CNGA3: variants seen among roughly 807,000 people sequenced by gnomAD.
CNGA3 encodes cyclic nucleotide-gated channel alpha-3.
A neutral mutation model predicts 46.6 loss-of-function variants in CNGA3; 42 were observed. That is an observed-to-expected ratio of 0.90 (90% CI 0.70 to 1.17). The LOEUF (loss-of-function observed/expected upper bound fraction) is 1.17, where lower values mean the gene tolerates loss of function less well. Ranked by LOEUF, CNGA3 falls within the 50% of genes most tolerant of loss-of-function variation. The probability of loss-of-function intolerance (pLI) is 0.00; values close to 1 mark genes in which losing one functional copy is unlikely to be tolerated. For synonymous variants in CNGA3, 394 were observed against 369.4 expected (o/e 1.07, Z -0.76); for missense variants, 893 against 890.7 (o/e 1.00, Z -0.03).
In CNGA3 at chr2:98,367,490, G is replaced by A. The variant is rs544726438; in HGVS notation, c.-37-2449G>A. 8.5e-5 allele frequency among the ~76,000 whole-genome samples: 13 copies of A among 152,116 alleles called. No homozygotes were observed. In the East Asian group the frequency reaches 2.1e-3, roughly 25 times the overall value. ...ATTACGGGCGTGAGCTACCCCGCCC[G>A]GCTGACCTCAGCTGTTTCTAGTCAG... On this transcript the variant is annotated intron_variant, in intron 1 of 7. Coordinates refer to ENST00000272602, the MANE Select transcript of CNGA3 (RefSeq NM_001298.3).
At chr2:98,359,865 A>G (rs1691984332) in intron 1 of CNGA3, among the ~76,000 whole-genome samples, 2 of 152,200 alleles carry the variant, frequency 1.3e-5, no homozygotes, top group African/African-American at 4.8e-5. Flanking sequence ...GGCAGGCTCT[A>G]GAACCAGTTG....
intron 1 of CNGA3, among the ~76,000 whole-genome samples, chr2:98,353,859 A>T (rs866820124): frequency 4.6e-5 from 7 of 152,200 alleles, no homozygotes; most frequent in African/African-American, 1.4e-4. Flanking sequence ...ACATCATGGC[A>T]GGAGTAGGGG....
At chr2:98,348,228 C>T (rs541796326) in intron 1 of CNGA3, among the ~76,000 whole-genome samples, 19 of 149,532 alleles carry the variant, frequency 1.3e-4, no homozygotes, top group South Asian at 6.4e-4. Context: ...TGTAGATGCC[C>T]GGAGGGGAGG....
At chr2:98,390,611 C>G (rs1027373272) in intron 6 of CNGA3, among the ~76,000 whole-genome samples, 1 of 152,182 alleles carries the variant, frequency 6.6e-6, no homozygotes, top group Non-Finnish European at 1.5e-5. Flanking sequence ...CGTTCCTGAG[C>G]ACGCTGTCCA....
In CNGA3 at chr2:98,364,477, C is replaced by T. The variant is rs75202000; in HGVS notation, c.-37-5462C>T. Among the ~76,000 whole-genome samples the T allele has an allele frequency of 3.3e-3, 495 of 152,242 alleles. 3 individuals carry two copies. Among genetic ancestry groups the T allele is most frequent in the African/African-American group, 0.012 (481 of 41,516 alleles). On this transcript the variant is annotated intron_variant, in intron 1 of 7. Transcript: ENST00000272602. ...CTTTCCATTTGCTTTGTAAATTTTC[C>T]TCCATCGCTTTATGTTGAGCCCATT...
intron 3 of CNGA3, 80 bp downstream of exon 3, chr2:98,377,880 T>C: frequency 7.2e-7 from 1 of 1,389,722 alleles, no homozygotes; most frequent in Non-Finnish European, 9.9e-7. Flanking sequence ...CAGGAAAAAG[T>C]GCTAGATGGG....
In CNGA3 at chr2:98,397,602, G is replaced by T. The variant is rs1692951959; in HGVS notation, c.*347G>T. 5.7e-6 allele frequency: 2 copies of T among 347,860 alleles called. No homozygotes were observed. The highest frequency in any genetic ancestry group is 2.1e-5 in the African/African-American group (1 of 47,730). 21.5% of individuals were successfully genotyped at this position (347,860 alleles called of 1,614,324 possible). Reference sequence around the variant, plus strand: ...AAGGTGTTTTTAGGCTTTTTAATCTGATTTTCTTATAAATGAAAGATTATT... The same window carrying T: ...AAGGTGTTTTTAGGCTTTTTAATCTTATTTTCTTATAAATGAAAGATTATT... On this transcript the variant is annotated 3_prime_UTR_variant, in exon 8 of 8. Coordinates refer to ENST00000272602, the MANE Select transcript of CNGA3 (RefSeq NM_001298.3).
chr2:98,351,593 A>G (rs955804653), intron 1 of CNGA3, among the ~76,000 whole-genome samples: 8 of 152,240 alleles, frequency 5.3e-5, no homozygotes, highest in Non-Finnish European at 1.2e-4. Context: ...TATCAGCAGC[A>G]TGAAAATGGA....
In CNGA3 at chr2:98,389,668, A is replaced by G. The variant is rs957791819; in HGVS notation, c.460A>G (p.Lys154Glu). The G allele has an allele frequency of 1.9e-6, 3 of 1,613,854 alleles. No homozygotes were observed. Among genetic ancestry groups the G allele is most frequent in the Non-Finnish European group, 2.5e-6 (3 of 1,179,984 alleles). Residue 154 changes from lysine (K) to glutamate (E), a missense_variant, in exon 6 of 8, where the codon AAA (lysine) becomes GAA (glutamate). Physicochemically the swap from Lys to Glu is moderately conservative, Grantham distance 56. Coordinates refer to ENST00000272602, the MANE Select transcript of CNGA3 (RefSeq NM_001298.3). ...SNNTEEEKKT[K>E]KKDAIVVDPS... ...TGTGTGGGTTTCCAGGAAGAAGACG[A>G]AAAAGAAGGATGCGATCGTGGTGGA...
rs1313549731 is a variant in CNGA3, at chr2:98,377,791, G to A, written c.206G>A (p.Gly69Glu). The stretch of plus-strand genomic sequence containing the variant: ...GGGCAGGGCTCCTTCACCGGCCAGG[G>A]GATCGCCAGGTAACTGACCAGCCTC... ...DSGQGSFTGQ[G>E]IARLSRLIFL... Residue 69 changes from glycine to glutamate, a missense_variant, in exon 3 of 8, where the codon GGG becomes GAG. Around this residue, in one of 3 missense-constraint regions of CNGA3, gnomAD observed 333 missense variants for 290.8 expected, o/e 1.15. Coordinates refer to ENST00000272602, the MANE Select transcript of CNGA3 (RefSeq NM_001298.3). 3.7e-6 allele frequency: 6 copies of A among 1,610,736 alleles called. No homozygotes were observed. The highest frequency in any genetic ancestry group is 1.7e-6 in the Non-Finnish European group (2 of 1,179,472).
chr2:98,389,112 A>C (rs1296895121), intron 5 of CNGA3, among the ~76,000 whole-genome samples: 1 of 152,240 alleles, frequency 6.6e-6, no homozygotes, highest in Non-Finnish European at 1.5e-5. Flanking sequence ...GCCCTTGGAA[A>C]TGAGCCTTTA....
chr2:98,362,426 C>T (rs1249493786), intron 1 of CNGA3, among the ~76,000 whole-genome samples: 1 of 151,950 alleles, frequency 6.6e-6, no homozygotes, highest in Non-Finnish European at 1.5e-5. Flanking sequence ...GGTGATCCAC[C>T]TGCCTCGGCC....
At chr2:98,378,288 A>G in intron 3 of CNGA3, 2 of 1,438,618 alleles carry the variant, frequency 1.4e-6, no homozygotes, top group Non-Finnish European at 1.9e-6. Flanking sequence ...CTTCCCCCTG[A>G]TGACATCCGT....
intron 6 of CNGA3, among the ~76,000 whole-genome samples, chr2:98,390,150 T>A (rs1692751788): frequency 6.6e-6 from 1 of 151,656 alleles, no homozygotes; most frequent in Non-Finnish European, 1.5e-5. Context: ...TTCTTTTTTT[T>A]TTTGAGACAG....
intron 7 of CNGA3, among the ~76,000 whole-genome samples, chr2:98,395,496 G>T (rs1268938823): frequency 6.6e-6 from 1 of 151,990 alleles, no homozygotes; most frequent in Non-Finnish European, 1.5e-5. Flanking sequence ...TTTACAACAT[G>T]TATCTCTAAT....
intron 1 of CNGA3, among the ~76,000 whole-genome samples, chr2:98,347,763 A>G (rs951436849): frequency 2.0e-5 from 3 of 152,202 alleles, no homozygotes; most frequent in African/African-American, 7.2e-5. Flanking sequence ...GGCTGGGATC[A>G]GCAGGAATGG....
chr2:98,397,499 G>A lies in CNGA3; in HGVS notation c.*244G>A. On this transcript the variant is annotated 3_prime_UTR_variant, in exon 8 of 8. Transcript: ENST00000272602. ...GAAACACTGCACCAGGCAGGGCTTT[G>A]CAAAGTGCAAGGTATCCCCAGTCCA... 1 of 575,426 alleles carries A rather than the reference G, an allele frequency of 1.7e-6. No homozygotes were observed. Among genetic ancestry groups the A allele is most frequent in the South Asian group, 2.0e-5 (1 of 50,186 alleles). The allele number at this position is 575,426 out of a possible 1,614,324, so 35.6% of individuals were successfully genotyped here.
chr2:98,347,419 C>G (rs1279654258), intron 1 of CNGA3, among the ~76,000 whole-genome samples: 1 of 152,166 alleles, frequency 6.6e-6, no homozygotes, highest in Non-Finnish European at 1.5e-5. Flanking sequence ...CCCTGGGGGC[C>G]TTGGCGCGCA....
At position 98,369,943 on chromosome 2, in the gene CNGA3, CA is replaced by C; in HGVS notation, c.-32del. The stretch of plus-strand genomic sequence containing the variant: ...TGCTTTGTGTTCACATTTTAGCAAT[CA>C]TCTGGGGGGCTAAATGTGACAAACC... On this transcript the variant is annotated 5_prime_UTR_variant, in exon 2 of 8. Transcript: ENST00000272602. 1 of 1,564,764 alleles carries C rather than the reference CA, an allele frequency of 6.4e-7. No homozygotes were observed. The highest frequency in any genetic ancestry group is 1.4e-5 in the African/African-American group (1 of 74,000).
Sources: allele counts gnomAD v4.1 joint callset (sites outside exome capture counted in the v4.1 genomes callset), GRCh38; gene constraint gnomAD v4.1.1; regional missense constraint gnomAD v4.1.1; transcripts MANE v1.5; gene names NCBI Gene and HGNC (gene_info 2026-07-23, HGNC 2026-07-21).